PRRC2B: variants seen among roughly 807,000 people sequenced by gnomAD.
The protein encoded by PRRC2B is proline rich coiled-coil 2B.
PRRC2B carries 68 observed loss-of-function variants against 242.3 expected under a neutral mutation model. That is an observed-to-expected ratio of 0.28 (90% CI 0.23 to 0.34). The LOEUF is 0.34. PRRC2B is among the 10% of genes least tolerant of loss of function. PRRC2B has a pLI of 1.00. For missense variants in PRRC2B, 2,835 were observed against 2,954.8 expected, an observed-to-expected ratio of 0.96 and a Z score of 0.94; for synonymous variants, 1,228 against 1,173.6, an observed-to-expected ratio of 1.05 and a Z score of -0.95.
At chr9:131,489,045 C>T (rs1944107358) in intron 28 of PRRC2B, among the ~76,000 whole-genome samples, 1 of 152,094 alleles carries the variant, frequency 6.6e-6, no homozygotes, top group Non-Finnish European at 1.5e-5. Flanking sequence ...CACATGGGCC[C>T]CTGCTCTGTG....
chr9:131,419,720 C>G (rs1044610229), intron 1 of PRRC2B, among the ~76,000 whole-genome samples: 3 of 152,016 alleles, frequency 2.0e-5, no homozygotes, highest in African/African-American at 7.3e-5. Context: ...CATCTTAATC[C>G]ACGAGGAAAT....
rs900788513 is a variant in PRRC2B at position 131,465,106 on chromosome 9, C to A, written c.1720+28C>A. 1.6e-5 allele frequency: 25 copies of A among 1,576,828 alleles called. No individual in the cohort carries two copies. The Admixed American group carries it at 2.0e-4, about 13-fold the overall frequency. On this transcript the variant is annotated intron_variant, in intron 12 of 31. Transcript: ENST00000683519. ...AAGAGCTGGGCCGTCTTCCCACCAA[C>A]TGGAAACCCTGGCCTGTTGTCCTCG...
chr9:131,412,600 G>T (rs1182871387), intron 1 of PRRC2B, among the ~76,000 whole-genome samples: 1 of 152,198 alleles, frequency 6.6e-6, no homozygotes, highest in Non-Finnish European at 1.5e-5. Flanking sequence ...AGGTACATGA[G>T]GGTCATCCTT....
upstream of PRRC2B, among the ~76,000 whole-genome samples, chr9:131,389,926 T>G (rs910550216): frequency 3.3e-5 from 4 of 122,806 alleles, no homozygotes; most frequent in South Asian, 2.7e-4. Flanking sequence ...TTTTTTTTTT[T>G]GTTTTTTTTT....
chr9:131,484,985 G>C lies in PRRC2B; in HGVS notation c.5603G>C (p.Ser1868Thr). The change falls in exon 25 of 32, where the codon AGT becomes ACT. Residue 1868 changes from serine to threonine, a missense_variant. Transcript: ENST00000683519. ...CGCAAGGCTTGGGAAAACTCCCCCA[G>C]TTTGCCGGAGCAGAGCTCTCCAGGC... The part of the protein sequence containing the change: ...SARKAWENSP[S>T]LPEQSSPGGA... 1 of 1,613,440 alleles carries C rather than the reference G, an allele frequency of 6.2e-7. No individual in the cohort carries two copies. Among genetic ancestry groups the C allele is most frequent in the Non-Finnish European group, 8.5e-7 (1 of 1,179,588 alleles).
chr9:131,422,179 C>T (rs1161605743), intron 1 of PRRC2B, among the ~76,000 whole-genome samples: 3 of 152,088 alleles, frequency 2.0e-5, no homozygotes, highest in South Asian at 2.1e-4. Context: ...CTCAGCCTCC[C>T]GAATAGCTGG....
Position 131,470,976 on chromosome 9 carries a change from T to C in PRRC2B, c.2100T>C (p.His700=), listed in dbSNP as rs1943528605. ...TPVDFYPSAL[H]PSGLMKPMMP... The stretch of plus-strand genomic sequence containing the variant: ...TGGACTTCTACCCCTCCGCCCTGCA[T>C]CCCTCAGGTAAGCACTGTGGTCTGA... The change falls in exon 14 of 32, where the codon CAT becomes CAC. Residue 700 remains histidine (H), a synonymous_variant. Coordinates refer to ENST00000683519, the MANE Select transcript of PRRC2B (RefSeq NM_013318.4). 6.2e-7 allele frequency: 1 copy of C among 1,610,342 alleles called. No individual in the cohort carries two copies. The highest frequency in any genetic ancestry group is 8.5e-7 in the Non-Finnish European group (1 of 1,177,774).
intron 1 of PRRC2B, among the ~76,000 whole-genome samples, chr9:131,378,366 G>A (rs1347462591): frequency 6.6e-6 from 1 of 151,676 alleles, no homozygotes; most frequent in Non-Finnish European, 1.5e-5. Flanking sequence ...GGCAGGGGGT[G>A]CTCCTATGCC....
chr9:131,450,648 C>T (rs1205647164), intron 9 of PRRC2B, among the ~76,000 whole-genome samples: 1 of 151,892 alleles, frequency 6.6e-6, no homozygotes, highest in East Asian at 1.9e-4. Context: ...AGTGCAGTGG[C>T]ATGATCTCAG....
upstream of PRRC2B, among the ~76,000 whole-genome samples, chr9:131,391,287 TTC>T (rs1254174592): frequency 2.0e-5 from 3 of 152,130 alleles, no homozygotes; most frequent in Admixed American, 6.6e-5. Flanking sequence ...CCTTTGTAGC[TTC>T]TAGAGGCAGC....
chr9:131,419,614 T>C (rs1482095274), intron 1 of PRRC2B, among the ~76,000 whole-genome samples: 1 of 152,186 alleles, frequency 6.6e-6, no homozygotes, highest in Non-Finnish European at 1.5e-5. Context: ...GTCGAGTGCC[T>C]GCTGAGGACA....
intron 1 of PRRC2B, among the ~76,000 whole-genome samples, chr9:131,379,092 C>T (rs1041945784): frequency 1.3e-5 from 2 of 152,120 alleles, no homozygotes; most frequent in Admixed American, 6.6e-5. Flanking sequence ...CAATACCTGG[C>T]CTTTTGTGTT....
At chr9:131,425,320 G>T (rs922912356) in intron 1 of PRRC2B, among the ~76,000 whole-genome samples, 9 of 151,936 alleles carry the variant, frequency 5.9e-5, no homozygotes, top group Non-Finnish European at 1.3e-4. Flanking sequence ...TGCCACTAGG[G>T]TATGGGGAAG....
intron 5 of PRRC2B, among the ~76,000 whole-genome samples, chr9:131,440,657 T>G (rs148347444): frequency 2.4e-4 from 36 of 152,286 alleles, no homozygotes; most frequent in African/African-American, 7.9e-4. Flanking sequence ...AGCAAAAGAT[T>G]GCAAACAGTC....
At chr9:131,458,434 A>G (rs750990026) in intron 10 of PRRC2B, among the ~76,000 whole-genome samples, 3 of 152,138 alleles carry the variant, frequency 2.0e-5, no homozygotes, top group Admixed American at 1.3e-4. Context: ...CATAAAATAC[A>G]CTAACACTAA....
Position 131,439,613 on chromosome 9 carries a change from C to T in PRRC2B, c.469+552C>T, listed in dbSNP as rs565707137. 3.3e-5 allele frequency among the ~76,000 whole-genome samples: 5 copies of T among 152,338 alleles called. No individual in the cohort carries two copies. The South Asian group carries it at 8.3e-4, about 25-fold the overall frequency. On this transcript the variant is annotated intron_variant, in intron 5 of 31. Coordinates refer to ENST00000683519, the MANE Select transcript of PRRC2B (RefSeq NM_013318.4). The stretch of plus-strand genomic sequence containing the variant: ...TGCACATCCTTCGTTACCTGAACCT[C>T]ACCCCCAGCCTGCCATGCCTAGGAG...
In PRRC2B at chr9:131,499,507, A is replaced by G. The variant is rs1260175787; in HGVS notation, c.*3633A>G. On this transcript the variant is annotated 3_prime_UTR_variant, in exon 32 of 32. Coordinates refer to ENST00000683519, the MANE Select transcript of PRRC2B (RefSeq NM_013318.4). ...TGAATGGGAAACGTAGGCTTCCAGA[A>G]AGCCAGCTCTCTTCTGAAATGTGAC... The G allele has an allele frequency of 6.6e-6, 1 of 152,264 alleles. No individual in the cohort carries two copies. Among genetic ancestry groups the G allele is most frequent in the Non-Finnish European group, 1.5e-5 (1 of 68,062 alleles). The allele number at this position is 152,264 out of a possible 1,614,324, so 9.4% of individuals were successfully genotyped here.
Position 131,475,680 on chromosome 9 carries a change from G to T in PRRC2B, c.3551G>T (p.Cys1184Phe), listed in dbSNP as rs1564296659. 3 of 1,612,312 alleles carry T rather than the reference G, an allele frequency of 1.9e-6. No individual in the cohort carries two copies. Among genetic ancestry groups the T allele is most frequent in the Non-Finnish European group, 2.5e-6 (3 of 1,179,428 alleles). The change falls in exon 16 of 32, where the codon TGC (cysteine) becomes TTC (phenylalanine). Residue 1184 changes from cysteine to phenylalanine, a missense_variant. Cys to Phe is a radical substitution (Grantham distance 205). Transcript: ENST00000683519. ...CRDSWRSNKG[C>F]SEDHSGLDAK... ...GATTCTTGGCGGTCCAACAAGGGGT[G>T]CTCTGAGGACCACAGCGGTCTAGAT...
intron 1 of PRRC2B, among the ~76,000 whole-genome samples, chr9:131,400,447 A>T (rs1837198309): frequency 6.6e-6 from 1 of 151,790 alleles, no homozygotes; most frequent in African/African-American, 2.4e-5. Flanking sequence ...GCCTTCGAGT[A>T]GCTGGGATTA....
Sources: allele counts gnomAD v4.1 joint callset (sites outside exome capture counted in the v4.1 genomes callset), GRCh38; gene constraint gnomAD v4.1.1; transcripts MANE v1.5; gene names NCBI Gene and HGNC (gene_info 2026-07-23, HGNC 2026-07-21).